Variants in SNX14 observed in about 807,000 individuals in gnomAD.
SNX14 encodes sorting nexin-14.
Under a neutral mutation model 133.8 loss-of-function variants are expected in SNX14, and 93 were observed. That is an observed-to-expected ratio of 0.70 (90% confidence interval 0.59 to 0.83). SNX14 has a LOEUF of 0.83. SNX14 is among the 40% of genes least tolerant of loss of function. SNX14 has a pLI of 0.00. For synonymous variants in SNX14, 368 were observed against 365.6 expected (o/e 1.01, Z -0.07); for missense variants, 945 against 1,094.9 (o/e 0.86, Z 1.93).
At position 85,573,348 on chromosome 6, in the gene SNX14, C is replaced by A. The variant is rs6934657; in HGVS notation, c.261+910G>T. ...TACAAAAATTAGCTGGGCCTGGTGG[C>A]GTGTGCCTGTAATCTCAGTTACATG... On this transcript the variant is annotated intron_variant, in intron 2 of 28. Transcript: ENST00000314673. 3.4e-3 allele frequency among the ~76,000 whole-genome samples: 521 copies of A among 152,180 alleles called. 3 individuals are homozygous for A. The highest frequency in any genetic ancestry group is 0.012 in the African/African-American group (495 of 41,532).
At chr6:85,593,090 C>A (rs560062196) in intron 1 of SNX14, among the ~76,000 whole-genome samples, 1 of 152,276 alleles carries the variant, frequency 6.6e-6, no homozygotes, top group African/African-American at 2.4e-5. Flanking sequence ...TCTTTATGAT[C>A]GTCTGTTTTA....
chr6:85,544,295 G>A (rs1339669727), intron 12 of SNX14, among the ~76,000 whole-genome samples: 2 of 151,672 alleles, frequency 1.3e-5, no homozygotes, highest in African/African-American at 4.8e-5. Context: ...GTGTTAATAA[G>A]GAGTTTACCT....
chr6:85,549,981 T>C, intron 7 of SNX14, 102 bp from the exon 8 acceptor site: 1 of 1,003,268 alleles, frequency 1.0e-6, no homozygotes, highest in Admixed American at 2.6e-5. Flanking sequence ...GCGTGGTGGC[T>C]CATGCCTGTA....
chr6:85,541,953 C>T (rs1352626813), intron 15 of SNX14, 32 bp downstream of exon 15: 7 of 1,543,282 alleles, frequency 4.5e-6, no homozygotes, highest in Non-Finnish European at 6.2e-6. Flanking sequence ...TGACTGGCAT[C>T]AGCAAGTTCA....
At chr6:85,547,590 T>C in intron 9 of SNX14, 40 bp from the exon 10 acceptor site, 1 of 1,452,508 alleles carries the variant, frequency 6.9e-7, no homozygotes, top group African/African-American at 1.4e-5. Context: ...ATAATTCCAC[T>C]ACTGTATTCT....
chr6:85,553,941 A>C (rs1788755680), intron 7 of SNX14, among the ~76,000 whole-genome samples: 1 of 152,214 alleles, frequency 6.6e-6, no homozygotes. Context: ...AGCACCTGTC[A>C]GACATAAGGG....
intron 4 of SNX14, 102 bp from the exon 5 acceptor site, chr6:85,567,679 A>T: frequency 1.4e-6 from 1 of 696,140 alleles, no homozygotes; most frequent in Non-Finnish European, 2.3e-6. Flanking sequence ...AAACAATTTT[A>T]TTATCACAAA....
At chr6:85,526,265 A>G in intron 20 of SNX14, 28 bp from the exon 21 acceptor site, 1 of 1,440,844 alleles carries the variant, frequency 6.9e-7, no homozygotes, top group South Asian at 1.3e-5. Context: ...AACGGAAAAC[A>G]CAGTTTAGAA....
intron 26 of SNX14, among the ~76,000 whole-genome samples, chr6:85,510,124 G>T (rs1772290792): frequency 6.6e-6 from 1 of 152,124 alleles, no homozygotes; most frequent in South Asian, 2.1e-4. Flanking sequence ...TTTCTGGGTG[G>T]ACATGTTTTC....
In SNX14 at chr6:85,558,056, T is replaced by C; in HGVS notation, c.554A>G (p.Asp185Gly). ...TTTCTTGGTTATAATAGATGGAATA[T>C]CCACCTAGAAAAATTCAAGATTAAA... ...SVLIRRIHKV[D>G]IPSIITKKLL... The change falls in exon 7 of 29, where the codon GAT becomes GGT. Residue 185 changes from aspartate (D) to glycine (G), a missense_variant. Transcript: ENST00000314673. The C allele has an allele frequency of 6.6e-7, 1 of 1,514,162 alleles. No homozygotes were observed. Among genetic ancestry groups the C allele is most frequent in the Non-Finnish European group, 9.1e-7 (1 of 1,098,036 alleles). The allele number at this position is 1,514,162 out of a possible 1,614,324, so 93.8% of individuals were successfully genotyped here.
At chr6:85,530,487 A>T (rs1204728712) in intron 18 of SNX14, among the ~76,000 whole-genome samples, 1 of 152,120 alleles carries the variant, frequency 6.6e-6, no homozygotes, top group Non-Finnish European at 1.5e-5. Context: ...TCTACTAAAA[A>T]TACAAAAATT....
intron 18 of SNX14, among the ~76,000 whole-genome samples, chr6:85,533,023 A>T (rs886310695): frequency 6.6e-6 from 1 of 152,108 alleles, no homozygotes; most frequent in Non-Finnish European, 1.5e-5. Context: ...AGTAGCCGGG[A>T]CTACAGGCAC....
At chr6:85,587,762 TTAAA>T (rs57739940) in intron 1 of SNX14, among the ~76,000 whole-genome samples, 4,294 of 152,300 alleles carry the variant, frequency 0.028, 225 homozygotes, top group African/African-American at 0.098. Flanking sequence ...AAACCCCGCC[TTAAA>T]TAAATTGTTT....
intron 21 of SNX14, among the ~76,000 whole-genome samples, chr6:85,524,785 G>GA (rs397885760): frequency 0.01 from 903 of 88,200 alleles, 6 homozygotes; most frequent in East Asian, 0.047. Context: ...TTCCATCACA[G>GA]AAAAAAAAAA....
chr6:85,515,055 G>A (rs1167550340), intron 23 of SNX14, among the ~76,000 whole-genome samples: 9 of 151,784 alleles, frequency 5.9e-5, no homozygotes, highest in Non-Finnish European at 7.4e-5. Flanking sequence ...ACCTGAGCTC[G>A]CAAGTTTGAA....
In SNX14 at chr6:85,558,053, A is replaced by G. The variant is rs760292886; in HGVS notation, c.557T>C (p.Ile186Thr). ...TAGTTTCTTGGTTATAATAGATGGA[A>G]TATCCACCTAGAAAAATTCAAGATT... ...VLIRRIHKVD[I>T]PSIITKKLLK... Residue 186 changes from isoleucine (I) to threonine (T), a missense_variant, in exon 7 of 29, where the codon ATT (isoleucine) becomes ACT (threonine). Ile to Thr is a moderately conservative substitution (Grantham distance 89, BLOSUM62 -1). Transcript: ENST00000314673. 18 of 1,512,716 alleles carry G rather than the reference A, an allele frequency of 1.2e-5. No homozygotes were observed. Among genetic ancestry groups the G allele is most frequent in the Non-Finnish European group, 1.5e-5 (16 of 1,096,876 alleles). 93.7% of individuals were successfully genotyped at this position (1,512,716 alleles called of 1,614,324 possible). A position where few individuals can be genotyped will look rare whatever the true frequency, so the allele number is the denominator to read the frequency against.
intron 20 of SNX14, 43 bp downstream of exon 20, chr6:85,528,219 C>T: frequency 1.5e-6 from 2 of 1,370,686 alleles, no homozygotes; most frequent in Non-Finnish European, 2.0e-6. Context: ...TTAGAGAATG[C>T]TATGATTAGC....
chr6:85,565,340 T>A lies in SNX14; in HGVS notation c.541A>T (p.Ile181Phe). 6.3e-7 allele frequency: 1 copy of A among 1,583,250 alleles called. No homozygotes were observed. The highest frequency in any genetic ancestry group is 8.6e-7 in the Non-Finnish European group (1 of 1,163,244). ...RFFASVLIRRIHKVDIPSIIT... is the reference protein window; with the variant it reads ...RFFASVLIRRFHKVDIPSIIT... ...TCATTAAAAATATATACCTTGTGAATCCTTCTTATTAAGACAGATGCAAAA... is the reference window on the plus strand; with the variant it reads ...TCATTAAAAATATATACCTTGTGAAACCTTCTTATTAAGACAGATGCAAAA... The change falls in exon 6 of 29, where the codon ATT becomes TTT. Residue 181 changes from isoleucine to phenylalanine, a missense_variant. Ile to Phe is a conservative substitution (Grantham distance 21). Transcript: ENST00000314673.
intron 17 of SNX14, among the ~76,000 whole-genome samples, chr6:85,534,426 G>C (rs1781219865): frequency 1.3e-5 from 2 of 152,164 alleles, no homozygotes; most frequent in Admixed American, 1.3e-4. Context: ...CTTAGAACTA[G>C]CACAGTGTCT....
Sources: allele counts gnomAD v4.1 joint callset (sites outside exome capture counted in the v4.1 genomes callset), GRCh38; gene constraint gnomAD v4.1.1; transcripts MANE v1.5; gene names NCBI Gene and HGNC (gene_info 2026-07-23, HGNC 2026-07-21).